GUCA1C: variants seen among roughly 807,000 people sequenced by gnomAD.
The protein encoded by GUCA1C is guanylyl cyclase-activating protein 3.
GUCA1C carries 15 observed loss-of-function variants against 16.2 expected under a neutral mutation model. The observed-to-expected ratio is 0.93, with a 90% CI of 0.62 to 1.43. The LOEUF is 1.43. Among genes scored for constraint, GUCA1C ranks in the 40% most tolerant of loss-of-function variants. The pLI, the probability that GUCA1C is intolerant of heterozygous loss-of-function variation, is 0.00. For missense variants in GUCA1C, 275 were observed against 244.8 expected, an observed-to-expected ratio of 1.12 and a Z score of -0.82; for synonymous variants, 78 against 85.4, an observed-to-expected ratio of 0.91 and a Z score of 0.48.
intron 1 of GUCA1C, among the ~76,000 whole-genome samples, chr3:108,936,229 T>A (rs1946726124): frequency 6.6e-6 from 1 of 151,998 alleles, no homozygotes; most frequent in Non-Finnish European, 1.5e-5. Flanking sequence ...AACACTGCAC[T>A]CCAGCCTGGG....
intron 1 of GUCA1C, among the ~76,000 whole-genome samples, chr3:108,950,312 T>A (rs1456088992): frequency 6.6e-6 from 1 of 152,218 alleles, no homozygotes; most frequent in East Asian, 1.9e-4. Flanking sequence ...AATACTTGGG[T>A]TGATTCCATA....
rs144666298 is a variant in GUCA1C, at chr3:108,921,367, C to T, written c.205-782G>A. Among the ~76,000 whole-genome samples, 1,212 of 152,210 alleles carry T rather than the reference C, an allele frequency of 8.0e-3. 20 individuals are homozygous for T. The highest frequency in any genetic ancestry group is 0.028 in the African/African-American group (1,170 of 41,530). ...CACTTCCTGCAGGACATTTTGGTTGCTTCCAGATTTTGGCAATTATAAATA... is the reference window on the plus strand; with the variant it reads ...CACTTCCTGCAGGACATTTTGGTTGTTTCCAGATTTTGGCAATTATAAATA... On this transcript the variant is annotated intron_variant, in intron 1 of 3. Coordinates refer to ENST00000261047, the MANE Select transcript of GUCA1C (RefSeq NM_005459.4).
intron 1 of GUCA1C, among the ~76,000 whole-genome samples, chr3:108,938,761 T>C (rs3828389): frequency 1.3e-5 from 2 of 152,228 alleles, no homozygotes; most frequent in East Asian, 3.8e-4. Context: ...TTTATGCAGA[T>C]CTGAGATCAC....
rs1334502845 is a variant in GUCA1C, at chr3:108,934,999, G to C, written c.205-14414C>G. Among the ~76,000 whole-genome samples the C allele has an allele frequency of 3.3e-5, 5 of 151,732 alleles. No individual in the cohort carries two copies. The East Asian group carries it at 9.8e-4, about 30-fold the overall frequency. On this transcript the variant is annotated intron_variant, in intron 1 of 3. Transcript: ENST00000261047. ...CGGCTAATTTTTTGTATTTTTAGTA[G>C]AGACGGGGTTTCACCGTGTTAGCCA...
rs1946862963 is a variant in GUCA1C at position 108,948,305 on chromosome 3, T to C, written c.204+5254A>G. ...CTGGTTGTTTAAAAGTGTGTAGCAC[T>C]TTCCCCTTCGCCCTCTCTCTCCCGC... On this transcript the variant is annotated intron_variant, in intron 1 of 3. Transcript: ENST00000261047. Among the ~76,000 whole-genome samples, 3 of 152,286 alleles carry C rather than the reference T, an allele frequency of 2.0e-5. No individual in the cohort carries two copies. The South Asian group carries it at 6.2e-4, about 32-fold the overall frequency.
intron 3 of GUCA1C, among the ~76,000 whole-genome samples, chr3:108,914,793 A>G (rs1229208111): frequency 6.6e-6 from 1 of 152,246 alleles, no homozygotes; most frequent in Non-Finnish European, 1.5e-5. Flanking sequence ...GGCATATTCC[A>G]AATAAAGTCT....
At chr3:108,935,374 T>C (rs1185917051) in intron 1 of GUCA1C, among the ~76,000 whole-genome samples, 1 of 151,666 alleles carries the variant, frequency 6.6e-6, no homozygotes, top group Non-Finnish European at 1.5e-5. Context: ...ATAAAAAATA[T>C]AAGCACATTT....
intron 1 of GUCA1C, among the ~76,000 whole-genome samples, chr3:108,931,765 TGAG>T (rs912254741): frequency 1.3e-5 from 2 of 151,642 alleles, no homozygotes; most frequent in African/African-American, 4.8e-5. Context: ...ACTGCAAAGG[TGAG>T]GAGATGTCCC....
In GUCA1C at chr3:108,916,109, A is replaced by G. The variant is rs750894864; in HGVS notation, c.442+18T>C. ...TACTTTGTAGGAAAAGTGATCCAGT[A>G]GAGAGTAGCTCCATTACCATCATTG... On this transcript the variant is annotated intron_variant, in intron 3 of 3. Transcript: ENST00000261047. The G allele has an allele frequency of 3.7e-6, 6 of 1,612,248 alleles. No homozygotes were observed. In the African/African-American group the frequency reaches 6.7e-5, roughly 18 times the overall value.
chr3:108,910,949 C>T (rs1229361539), intron 3 of GUCA1C, among the ~76,000 whole-genome samples: 1 of 151,980 alleles, frequency 6.6e-6, no homozygotes, highest in Admixed American at 6.6e-5. Context: ...CGCACCCGGC[C>T]GACACATTTC....
At position 108,934,374 on chromosome 3, in the gene GUCA1C, G is replaced by A. The variant is rs369207662; in HGVS notation, c.205-13789C>T. Among the ~76,000 whole-genome samples, 177 of 152,196 alleles carry A rather than the reference G, an allele frequency of 1.2e-3. 3 individuals carry two copies. The South Asian group carries it at 0.029, about 25-fold the overall frequency. On this transcript the variant is annotated intron_variant, in intron 1 of 3. Coordinates refer to ENST00000261047, the MANE Select transcript of GUCA1C (RefSeq NM_005459.4). Reference sequence around the variant, plus strand: ...AAAAAGTCAAAAAACAATAGATCCCGCCGAGGCTGCAGAGAAGAAGGAATG... The same window carrying A: ...AAAAAGTCAAAAAACAATAGATCCCACCGAGGCTGCAGAGAAGAAGGAATG...
intron 1 of GUCA1C, among the ~76,000 whole-genome samples, chr3:108,930,695 A>G (rs895590319): frequency 2.0e-5 from 3 of 152,202 alleles, no homozygotes; most frequent in African/African-American, 7.2e-5. Flanking sequence ...TATAAGAGAT[A>G]AGATTTCTTC....
At chr3:108,910,453 G>A (rs1429787037) in intron 3 of GUCA1C, among the ~76,000 whole-genome samples, 1 of 151,064 alleles carries the variant, frequency 6.6e-6, no homozygotes, top group Admixed American at 6.6e-5. Context: ...AGCCGAGATG[G>A]CGCCACTGCA....
intron 2 of GUCA1C, among the ~76,000 whole-genome samples, chr3:108,918,532 G>A (rs1946539538): frequency 2.6e-5 from 4 of 152,098 alleles, no homozygotes; most frequent in Admixed American, 2.6e-4. Flanking sequence ...ACATCTCAAT[G>A]GTTTCCTAAC....
chr3:108,925,105 ATT>A (rs35186519), intron 1 of GUCA1C, among the ~76,000 whole-genome samples: 2,379 of 147,952 alleles, frequency 0.016, 50 homozygotes, highest in African/African-American at 0.053. Context: ...TACCTTTTGT[ATT>A]TTTTTTTTTG....
intron 1 of GUCA1C, among the ~76,000 whole-genome samples, chr3:108,936,440 A>G (rs1176224136): frequency 6.6e-6 from 1 of 152,226 alleles, no homozygotes; most frequent in African/African-American, 2.4e-5. Flanking sequence ...TCATCTTATT[A>G]TTCTTACTTT....
At chr3:108,925,047 C>A (rs1475686580) in intron 1 of GUCA1C, among the ~76,000 whole-genome samples, 1 of 151,318 alleles carries the variant, frequency 6.6e-6, no homozygotes, top group African/African-American at 2.4e-5. Flanking sequence ...TAGTTAATGG[C>A]CTGTCAATTT....
chr3:108,928,508 T>C (rs568580353), intron 1 of GUCA1C, among the ~76,000 whole-genome samples: 2 of 152,338 alleles, frequency 1.3e-5, no homozygotes, highest in South Asian at 2.1e-4. Flanking sequence ...GAAAACATCA[T>C]TACCAAACCC....
rs71106606 is a variant in GUCA1C at position 108,926,086 on chromosome 3, CA to C, written c.205-5502del. ...TGGGTGACAGAGCAAGACTCCATCT[CA>C]AAAAAAAAAAATTGGGGAACTCCAG... On this transcript the variant is annotated intron_variant, in intron 1 of 3. Transcript: ENST00000261047. Among the ~76,000 whole-genome samples the C allele has an allele frequency of 2.9e-3, 407 of 141,374 alleles. 2 individuals are homozygous for C. Among genetic ancestry groups the C allele is most frequent in the African/African-American group, 8.2e-3 (320 of 38,810 alleles). The allele number at this position is 141,374 out of a possible 152,430, so 92.7% of individuals were successfully genotyped here.
Sources: allele counts gnomAD v4.1 joint callset (sites outside exome capture counted in the v4.1 genomes callset), GRCh38; gene constraint gnomAD v4.1.1; transcripts MANE v1.5; gene names NCBI Gene and HGNC (gene_info 2026-07-23, HGNC 2026-07-21).